The following SDK2 variants were observed in gnomAD, a reference collection of about 807,000 sequenced individuals.
SDK2 encodes the protein protein sidekick-2.
A neutral mutation model predicts 253.9 loss-of-function variants in SDK2; 105 were observed. That is an observed-to-expected ratio of 0.41 (90% CI 0.35 to 0.49). SDK2 has a LOEUF of 0.49. SDK2 is among the 20% of genes least tolerant of loss of function. SDK2 has a pLI of 0.06. For synonymous variants in SDK2, 1,249 were observed against 1,234.9 expected (o/e 1.01, Z -0.24); for missense variants, 2,608 against 3,003.0 (o/e 0.87, Z 3.07).
chr17:73,572,045 G>T (rs1478147488), intron 1 of SDK2, among the ~76,000 whole-genome samples: 1 of 152,182 alleles, frequency 6.6e-6, no homozygotes, highest in Admixed American at 6.5e-5. Flanking sequence ...ATGGGGATGT[G>T]CCTGGGAAAG....
chr17:73,385,242 C>A (rs2062862675), intron 32 of SDK2, among the ~76,000 whole-genome samples: 2 of 152,174 alleles, frequency 1.3e-5, no homozygotes, highest in South Asian at 2.1e-4. Flanking sequence ...CTCCGCGGGG[C>A]AGGACCCATG....
chr17:73,483,525 A>ATC, intron 2 of SDK2, among the ~76,000 whole-genome samples: 1 of 140,344 alleles, frequency 7.1e-6, no homozygotes, highest in East Asian at 2.0e-4. Context: ...GTGTGTGTAT[A>ATC]TATATATGTA....
intron 4 of SDK2, among the ~76,000 whole-genome samples, chr17:73,449,891 C>T (rs1224451516): frequency 6.6e-6 from 1 of 152,016 alleles, no homozygotes; most frequent in African/African-American, 2.4e-5. Context: ...CCGTTGCACT[C>T]CAGCCTGAGC....
intron 1 of SDK2, among the ~76,000 whole-genome samples, chr17:73,610,589 C>T (rs1383002900): frequency 6.6e-6 from 1 of 152,106 alleles, no homozygotes; most frequent in Non-Finnish European, 1.5e-5. Context: ...TGCTAATTTC[C>T]CCCACAGTAG....
intron 2 of SDK2, among the ~76,000 whole-genome samples, chr17:73,494,141 C>T (rs926815472): frequency 6.6e-6 from 1 of 152,208 alleles, no homozygotes; most frequent in Non-Finnish European, 1.5e-5. Context: ...GGCACCTTTG[C>T]CTCTGATCAC....
intron 1 of SDK2, among the ~76,000 whole-genome samples, chr17:73,521,763 T>A (rs1363741990): frequency 6.6e-6 from 1 of 151,538 alleles, no homozygotes; most frequent in Non-Finnish European, 1.5e-5. Context: ...CGAGACAGAG[T>A]CAACACCTGT....
At chr17:73,414,877 C>T in intron 17 of SDK2, 118 bp from the exon 18 acceptor site, 1 of 645,530 alleles carries the variant, frequency 1.5e-6, no homozygotes, top group South Asian at 1.8e-5. Context: ...CCCCCCTACC[C>T]CACCCCAACT....
rs2063984625 is a variant in SDK2 at position 73,511,981 on chromosome 17, A to G, written c.65-4384T>C. On this transcript the variant is annotated intron_variant, in intron 1 of 44. Transcript: ENST00000392650. The surrounding 1 kb of genome is among the most constrained non-coding windows in gnomAD (Gnocchi z 4.9). ...GACATTCACATATCTGTGAATGTCAATGTGTGTGTCAGTGCACATCTGTGT... is the reference window on the plus strand; with the variant it reads ...GACATTCACATATCTGTGAATGTCAGTGTGTGTGTCAGTGCACATCTGTGT... 6.6e-6 allele frequency among the ~76,000 whole-genome samples: 1 copy of G among 152,042 alleles called. No homozygotes were observed. The highest frequency in any genetic ancestry group is 1.9e-4 in the East Asian group (1 of 5,190).
At chr17:73,569,190 CTTTCT>C (rs1416851656) in intron 1 of SDK2, among the ~76,000 whole-genome samples, 5 of 149,678 alleles carry the variant, frequency 3.3e-5, no homozygotes, top group Non-Finnish European at 7.4e-5. Context: ...TTCTTTCTTT[CTTTCT>C]TTTCTTTTTT....
intron 1 of SDK2, 67 bp from the exon 2 acceptor site, chr17:73,507,664 T>G: frequency 6.7e-7 from 1 of 1,497,078 alleles, no homozygotes; most frequent in South Asian, 1.3e-5. Flanking sequence ...GTGCGTTTAG[T>G]ATCCTAAGGC....
intron 1 of SDK2, among the ~76,000 whole-genome samples, chr17:73,595,691 C>T (rs767960071): frequency 2.4e-4 from 37 of 152,290 alleles, no homozygotes; most frequent in African/African-American, 8.4e-4. Flanking sequence ...GGGGAGTAGC[C>T]GCTGACCCAC....
chr17:73,365,400 G>A lies in SDK2; in HGVS notation c.5168-5C>T, dbSNP rs1472614155. ...CCGAGCTGGGAGCGCTGGGGGCTGC[G>A]GGAGACAGCAAAGGGTTTTTGTTTC... On this transcript the variant is annotated splice_region_variant and splice_polypyrimidine_tract_variant and intron_variant, in intron 37 of 44. Transcript: ENST00000392650. 5.6e-6 allele frequency: 9 copies of A among 1,601,238 alleles called. No individual in the cohort carries two copies. The highest frequency in any genetic ancestry group is 1.8e-5 in the Admixed American group (1 of 57,128).
intron 18 of SDK2, among the ~76,000 whole-genome samples, chr17:73,406,913 T>C (rs955499262): frequency 6.6e-6 from 1 of 152,152 alleles, no homozygotes; most frequent in Non-Finnish European, 1.5e-5. Context: ...TCAGTAATCA[T>C]AGTGTGGATA....
chr17:73,585,766 G>A (rs2045595406), intron 1 of SDK2, among the ~76,000 whole-genome samples: 1 of 152,208 alleles, frequency 6.6e-6, no homozygotes, highest in Non-Finnish European at 1.5e-5. Flanking sequence ...GTAGTGACCA[G>A]AAGGGACTTA....
chr17:73,389,183 C>CTT (rs61085516), intron 29 of SDK2, among the ~76,000 whole-genome samples: 15 of 99,016 alleles, frequency 1.5e-4, no homozygotes, highest in Admixed American at 3.4e-4. Context: ...ATATTCCTTT[C>CTT]TTTTTTTTTT....
At chr17:73,510,368 C>T (rs2063970639) in intron 1 of SDK2, among the ~76,000 whole-genome samples, 1 of 152,204 alleles carries the variant, frequency 6.6e-6, no homozygotes, top group Admixed American at 6.5e-5. Context: ...AACTCCCACC[C>T]TGGCTGCTAC....
At chr17:73,603,457 T>G (rs1158111694) in intron 1 of SDK2, among the ~76,000 whole-genome samples, 1 of 152,164 alleles carries the variant, frequency 6.6e-6, no homozygotes. Context: ...AGACGACTCT[T>G]TTCTCCTCTG....
At chr17:73,377,281 C>T (rs1292763412) in intron 36 of SDK2, among the ~76,000 whole-genome samples, 1 of 149,912 alleles carries the variant, frequency 6.7e-6, no homozygotes, top group Non-Finnish European at 1.5e-5. Flanking sequence ...TGCAGTGACA[C>T]GGTCTTGGCT....
intron 1 of SDK2, among the ~76,000 whole-genome samples, chr17:73,523,206 C>A (rs2064097000): frequency 6.6e-6 from 1 of 152,196 alleles, no homozygotes; most frequent in Admixed American, 6.5e-5. Flanking sequence ...CTGTCCCCTT[C>A]CAAGTCTAGG....
Sources: gnomAD v4.1 joint callset for allele counts (sites outside exome capture counted in the v4.1 genomes callset) on GRCh38, gnomAD v4.1.1 for gene constraint, Gnocchi (gnomAD v3.1) non-coding constraint, MANE v1.5 for transcripts, NCBI Gene and HGNC (gene_info 2026-07-23, HGNC 2026-07-21) for gene names.